Variants in CHD1L observed in about 807,000 individuals in gnomAD.
CHD1L encodes the protein chromodomain helicase DNA binding protein 1 like.
In CHD1L, 118 loss-of-function variants were observed where a neutral mutation model predicts 115.9. The ratio of observed to expected loss-of-function variants is 1.02; its 90% CI spans 0.88 to 1.19. CHD1L has a LOEUF of 1.19. CHD1L is among the 50% of genes most tolerant of loss of function. CHD1L has a pLI of 0.00. For synonymous variants in CHD1L, 411 were observed against 387.1 expected, an observed-to-expected ratio of 1.06 and a Z score of -0.72; for missense variants, 1,179 against 1,065.3, an observed-to-expected ratio of 1.11 and a Z score of -1.49.
chr1:147,200,471 C>G, the CHD1L span, among the ~76,000 whole-genome samples: 12 of 152,074 alleles, frequency 7.9e-5, no homozygotes. Flanking sequence ...TAGGTGTGGT[C>G]TGGCCAGTTT....
the CHD1L span, chr1:147,223,964 G>A: frequency 2.5e-6 from 1 of 394,536 alleles, no homozygotes. Context: ...CGTCTTTCCA[G>A]CAGGGGTTAA....
intron 1 of CHD1L, among the ~76,000 whole-genome samples, chr1:147,246,869 T>A: frequency 6.6e-6 from 1 of 152,174 alleles, no homozygotes; most frequent in African/African-American, 2.4e-5. Context: ...CTCTTATGGA[T>A]AGTTTTCTTG....
the CHD1L span, among the ~76,000 whole-genome samples, chr1:147,223,306 A>G: frequency 6.6e-6 from 1 of 152,312 alleles, no homozygotes; most frequent in African/African-American, 2.4e-5. Flanking sequence ...AGCTAAGGGG[A>G]TCCACTCCAG....
chr1:147,249,824 T>C (rs1333842796), intron 1 of CHD1L, among the ~76,000 whole-genome samples: 2 of 152,170 alleles, frequency 1.3e-5, no homozygotes, highest in Non-Finnish European at 2.9e-5. Context: ...CCTTCACCTG[T>C]TTTTATTGGA....
At chr1:147,201,049 G>A in the CHD1L span, 1 of 818,228 alleles carries the variant, frequency 1.2e-6, no homozygotes, top group Non-Finnish European at 2.0e-6. Context: ...GCTAGGCACT[G>A]TTGTAATCAT....
intron 1 of CHD1L, among the ~76,000 whole-genome samples, chr1:147,243,379 G>A (rs192421139): frequency 6.6e-6 from 1 of 151,652 alleles, no homozygotes; most frequent in East Asian, 2.0e-4. Flanking sequence ...TGTTTATGAA[G>A]CTATTTTTGT....
At chr1:147,218,750 T>C in the CHD1L span, among the ~76,000 whole-genome samples, 2 of 152,250 alleles carry the variant, frequency 1.3e-5, no homozygotes, top group African/African-American at 4.8e-5. Flanking sequence ...TCTAAGTTAT[T>C]AAATTGTTCC....
At chr1:147,277,251 A>G (rs1293886734) in intron 14 of CHD1L, among the ~76,000 whole-genome samples, 5 of 152,216 alleles carry the variant, frequency 3.3e-5, no homozygotes, top group Non-Finnish European at 7.3e-5. Context: ...TTTATTTGTA[A>G]AAGTTTGCAA....
At chr1:147,274,146 G>C (rs1038403041) in intron 12 of CHD1L, among the ~76,000 whole-genome samples, 1 of 152,138 alleles carries the variant, frequency 6.6e-6, no homozygotes, top group Non-Finnish European at 1.5e-5. Context: ...TCACCTTCTA[G>C]GCTTGCAACT....
At chr1:147,193,906 T>C in the CHD1L span, among the ~76,000 whole-genome samples, 1 of 152,148 alleles carries the variant, frequency 6.6e-6, no homozygotes, top group Non-Finnish European at 1.5e-5. Context: ...TTACATTTGC[T>C]GAGGAGTGCT....
At chr1:147,278,056 C>A (rs1487305361) in intron 14 of CHD1L, among the ~76,000 whole-genome samples, 3 of 152,074 alleles carry the variant, frequency 2.0e-5, no homozygotes, top group African/African-American at 7.2e-5. Flanking sequence ...GGACTTCTTG[C>A]CCAGCTCATG....
Position 147,265,945 on chromosome 1 carries a change from CA to C in CHD1L, c.756del (p.Lys252AsnfsTer8). 1 of 1,611,064 alleles carries C rather than the reference CA, an allele frequency of 6.2e-7. No individual in the cohort carries two copies. Among genetic ancestry groups the C allele is most frequent in the South Asian group, 1.1e-5 (1 of 90,292 alleles). ...KESESASELH[K>X]LLQPFLLRRV... Reference sequence around the variant, plus strand: ...TTTCTTATGTAGCAAGTGAACTGCACAAACTCTTGCAGCCATTTCTGCTGAG... The same window carrying C: ...TTTCTTATGTAGCAAGTGAACTGCACAACTCTTGCAGCCATTTCTGCTGAG... On this transcript the variant is annotated frameshift_variant, in exon 8 of 23. Coordinates refer to ENST00000369258, the MANE Select transcript of CHD1L (RefSeq NM_004284.6). LOFTEE classifies it high-confidence loss of function.
upstream of CHD1L, among the ~76,000 whole-genome samples, chr1:147,241,590 C>T (rs587617525): frequency 9.2e-5 from 14 of 152,244 alleles, no homozygotes; most frequent in East Asian, 7.7e-4. Flanking sequence ...CACACGGACG[C>T]GCATGAAAGT....
chr1:147,216,073 G>C, the CHD1L span: 2 of 635,772 alleles, frequency 3.1e-6, no homozygotes, highest in Non-Finnish European at 5.4e-6. Flanking sequence ...CAGTATTTGT[G>C]CCCTTATGTA....
At chr1:147,208,999 T>C in the CHD1L span, 4 of 1,614,164 alleles carry the variant, frequency 2.5e-6, no homozygotes, top group Non-Finnish European at 3.4e-6. Context: ...AGGATATCCG[T>C]AGTCCCCTAC....
At chr1:147,241,649 G>A (rs1029223153), upstream of CHD1L, among the ~76,000 whole-genome samples, 19 of 152,120 alleles carry the variant, frequency 1.2e-4, no homozygotes, top group Admixed American at 9.2e-4. Flanking sequence ...ATAAAACAGT[G>A]CTTTGCTTGA....
At chr1:147,215,579 C>T in the CHD1L span, 12 of 544,140 alleles carry the variant, frequency 2.2e-5, no homozygotes, top group Admixed American at 2.5e-4. Context: ...AGAGACTGTC[C>T]CTTGAATATT....
Position 147,266,036 on chromosome 1 carries a change from A to T in CHD1L, c.844A>T (p.Met282Leu). Residue 282 changes from methionine to leucine, a missense_variant, in exon 8 of 23, where the codon ATG (methionine) becomes TTG (leucine). Met to Leu is a conservative substitution (Grantham distance 15). Transcript: ENST00000369258. ...GACAGAAGTAGTGATATACCATGGC[A>T]TGTCAGCATTGCAGAAGAAATACTA... is the stretch of plus-strand genomic sequence containing the variant. ...KKTEVVIYHG[M>L]SALQKKYYKA... 1 of 1,613,826 alleles carries T rather than the reference A, an allele frequency of 6.2e-7. No homozygotes were observed. The highest frequency in any genetic ancestry group is 2.2e-5 in the East Asian group (1 of 44,870).
At chr1:147,242,974 G>A (rs1553932101) in intron 1 of CHD1L, 144 bp downstream of exon 1, 1 of 1,019,128 alleles carries the variant, frequency 9.8e-7, no homozygotes, top group African/African-American at 1.7e-5. Flanking sequence ...GCCGTGGGCG[G>A]AGAGAAACTG....
Sources: gnomAD v4.1 joint callset for allele counts (sites outside exome capture counted in the v4.1 genomes callset) on GRCh38, gnomAD v4.1.1 for gene constraint, MANE v1.5 for transcripts, NCBI Gene and HGNC (gene_info 2026-07-23, HGNC 2026-07-21) for gene names.